Variants in DENND4C observed in about 807,000 individuals in gnomAD.
The protein encoded by DENND4C is DENN domain containing 4C, also known as DENN domain-containing protein 4C.
In DENND4C, 108 loss-of-function variants were observed where a neutral mutation model predicts 203.0. That is an observed-to-expected ratio of 0.53 (90% confidence interval 0.46 to 0.62). The LOEUF is 0.62. Ranked by LOEUF, DENND4C falls within the 20% of genes least tolerant of loss-of-function variation. The pLI is 0.00. For synonymous variants in DENND4C, 871 were observed against 792.4 expected (o/e 1.10, Z -1.67); for missense variants, 2,481 against 2,301.2 (o/e 1.08, Z -1.60).
chr9:19,236,912 G>T (rs1466848155), intron 1 of DENND4C, among the ~76,000 whole-genome samples: 1 of 152,228 alleles, frequency 6.6e-6, no homozygotes, highest in East Asian at 1.9e-4. Context: ...TAGTTAGGGA[G>T]ATGAGTTACT....
intron 1 of DENND4C, among the ~76,000 whole-genome samples, chr9:19,233,906 A>C (rs1821216211): frequency 6.6e-6 from 1 of 152,158 alleles, no homozygotes; most frequent in African/African-American, 2.4e-5. Flanking sequence ...TATTGGAAAA[A>C]ATGTAACATG....
chr9:19,361,758 C>A, intron 29 of DENND4C, 88 bp from the exon 30 acceptor site: 1 of 655,774 alleles, frequency 1.5e-6, no homozygotes, highest in South Asian at 2.5e-5. Context: ...TTTAAAAGGA[C>A]TCATCTGTTT....
intron 2 of DENND4C, among the ~76,000 whole-genome samples, chr9:19,285,274 A>C (rs1446633746): frequency 2.6e-5 from 4 of 152,068 alleles, no homozygotes. Context: ...GTACATTTTA[A>C]TATTAGTTGG....
At chr9:19,334,669 G>A (rs1429545534) in intron 17 of DENND4C, among the ~76,000 whole-genome samples, 2 of 151,726 alleles carry the variant, frequency 1.3e-5, no homozygotes, top group East Asian at 3.9e-4. Context: ...GGGATTACAG[G>A]TATGCACCAC....
At chr9:19,294,182 A>G (rs1054753624) in intron 5 of DENND4C, among the ~76,000 whole-genome samples, 3 of 152,156 alleles carry the variant, frequency 2.0e-5, no homozygotes, top group African/African-American at 4.8e-5. Flanking sequence ...TATAATGATT[A>G]TAGTTAAAAC....
chr9:19,349,846 C>T (rs973741228), intron 23 of DENND4C, among the ~76,000 whole-genome samples: 5 of 151,948 alleles, frequency 3.3e-5, no homozygotes, highest in African/African-American at 9.7e-5. Flanking sequence ...ATAAGAAGTA[C>T]AGGTGAAAAA....
At position 19,300,323 on chromosome 9, in the gene DENND4C, G is replaced by C; in HGVS notation, c.1303G>C (p.Val435Leu). 1 of 1,580,990 alleles carries C rather than the reference G, an allele frequency of 6.3e-7. No individual in the cohort carries two copies. Among genetic ancestry groups the C allele is most frequent in the Non-Finnish European group, 8.6e-7 (1 of 1,157,924 alleles). ...PAVLTGVAEAVVAMIFPFQWQ... is the reference protein window; with the variant it reads ...PAVLTGVAEALVAMIFPFQWQ... ...TGTCTTGACTGGGGTAGCTGAAGCT[G>C]TTGTAGCTGTAAGTATAGAATTTTC... Residue 435 changes from valine to leucine, a missense_variant, in exon 9 of 33, where the codon GTT becomes CTT. Transcript: ENST00000434457.
intron 19 of DENND4C, 84 bp downstream of exon 19, chr9:19,336,498 A>G: frequency 1.3e-6 from 2 of 1,490,244 alleles, no homozygotes; most frequent in Non-Finnish European, 1.8e-6. Context: ...TGAAGTAGAA[A>G]ACTTAAATTC....
intron 1 of DENND4C, among the ~76,000 whole-genome samples, chr9:19,240,400 G>A (rs1195596943): frequency 2.0e-5 from 3 of 152,142 alleles, no homozygotes; most frequent in Admixed American, 1.3e-4. Context: ...AGGCACAGTG[G>A]CTCACACTTG....
At chr9:19,326,694 T>TA (rs1327797734) in intron 15 of DENND4C, among the ~76,000 whole-genome samples, 3 of 152,124 alleles carry the variant, frequency 2.0e-5, no homozygotes, top group Non-Finnish European at 4.4e-5. Flanking sequence ...GGAAAACTAA[T>TA]ACATCATTCT....
At chr9:19,327,936 T>C (rs1209130300) in intron 15 of DENND4C, 94 bp from the exon 16 acceptor site, 1 of 1,183,648 alleles carries the variant, frequency 8.4e-7, no homozygotes, top group African/African-American at 1.6e-5. Context: ...TGTTGGATAC[T>C]ATTTGAAGTT....
intron 1 of DENND4C, among the ~76,000 whole-genome samples, chr9:19,272,716 T>G (rs1831983174): frequency 6.6e-6 from 1 of 152,134 alleles, no homozygotes; most frequent in Admixed American, 6.6e-5. Flanking sequence ...GAAGAAAATG[T>G]GGGGGAAATG....
intron 1 of DENND4C, among the ~76,000 whole-genome samples, chr9:19,237,305 C>T (rs372980859): frequency 1.3e-5 from 2 of 151,956 alleles, no homozygotes; most frequent in African/African-American, 4.8e-5. Context: ...AGGCGTGAGC[C>T]ACCACGCCCG....
chr9:19,298,648 A>G (rs1485180187), intron 7 of DENND4C, among the ~76,000 whole-genome samples: 1 of 152,130 alleles, frequency 6.6e-6, no homozygotes, highest in East Asian at 1.9e-4. Flanking sequence ...TATAGGAGAG[A>G]GGTCAGATTG....
intron 23 of DENND4C, among the ~76,000 whole-genome samples, chr9:19,348,923 C>T (rs911776413): frequency 6.6e-6 from 1 of 152,124 alleles, no homozygotes; most frequent in Non-Finnish European, 1.5e-5. Context: ...ATCCTCCTGC[C>T]TCAGCCTCCT....
intron 23 of DENND4C, among the ~76,000 whole-genome samples, chr9:19,347,953 A>T (rs914065701): frequency 6.6e-6 from 1 of 152,250 alleles, no homozygotes; most frequent in African/African-American, 2.4e-5. Context: ...GGTAAAAACA[A>T]AAGTGGGTAA....
intron 2 of DENND4C, among the ~76,000 whole-genome samples, chr9:19,281,989 G>T (rs1490625660): frequency 6.6e-6 from 1 of 152,186 alleles, no homozygotes. Context: ...GTTGCTCTAG[G>T]TGAGTCAGTG....
At chr9:19,363,302 T>C (rs1826892446) in intron 30 of DENND4C, among the ~76,000 whole-genome samples, 1 of 151,742 alleles carries the variant, frequency 6.6e-6, no homozygotes, top group South Asian at 2.1e-4. Flanking sequence ...GATCACGAGG[T>C]CAGGAGTTCA....
chr9:19,311,846 A>G (rs1215687353), intron 10 of DENND4C, among the ~76,000 whole-genome samples: 5 of 152,364 alleles, frequency 3.3e-5, no homozygotes, highest in South Asian at 2.1e-4. Flanking sequence ...AGTGAGATAT[A>G]TATGATGACA....
Sources: gnomAD v4.1 joint callset for allele counts (sites outside exome capture counted in the v4.1 genomes callset) on GRCh38, gnomAD v4.1.1 for gene constraint, MANE v1.5 for transcripts, NCBI Gene and HGNC (gene_info 2026-07-23, HGNC 2026-07-21) for gene names.